ELMOD1: variants seen among roughly 807,000 people sequenced by gnomAD.
ELMOD1 encodes the protein ELMO domain containing 1, also known as ELMO domain-containing protein 1.
Under a neutral mutation model 46.7 loss-of-function variants are expected in ELMOD1, and 21 were observed. That is an observed-to-expected ratio of 0.45 (90% confidence interval 0.32 to 0.65). ELMOD1 has a LOEUF of 0.65. ELMOD1 is among the 30% of genes least tolerant of loss of function. The pLI, the probability that ELMOD1 is intolerant of heterozygous loss-of-function variation, is 0.04. For synonymous variants in ELMOD1, 122 were observed against 138.2 expected (o/e 0.88, Z 0.82); for missense variants, 348 against 407.8 (o/e 0.85, Z 1.26).
At position 107,630,683 on chromosome 11, in the gene ELMOD1, T is replaced by C; in HGVS notation, c.164-17T>C. The C allele has an allele frequency of 6.2e-7, 1 of 1,608,196 alleles. No individual in the cohort carries two copies. Among genetic ancestry groups the C allele is most frequent in the Non-Finnish European group, 8.5e-7 (1 of 1,177,110 alleles). ...AGGATAATCTTTGAATGACTGTTTTTGTTGCTGCTTTCACAGAAACATCAC... is the reference window on the plus strand; with the variant it reads ...AGGATAATCTTTGAATGACTGTTTTCGTTGCTGCTTTCACAGAAACATCAC... On this transcript the variant is annotated splice_polypyrimidine_tract_variant and intron_variant, in intron 3 of 11. Coordinates refer to ENST00000265840, the MANE Select transcript of ELMOD1 (RefSeq NM_018712.4).
intron 5 of ELMOD1, among the ~76,000 whole-genome samples, chr11:107,634,454 A>C (rs1866193243): frequency 6.6e-6 from 1 of 151,910 alleles, no homozygotes; most frequent in African/African-American, 2.4e-5. Flanking sequence ...ACATCTGAAA[A>C]CCGGCTGGGC....
chr11:107,642,475 TCTCTGC>T (rs1380068718), intron 6 of ELMOD1, among the ~76,000 whole-genome samples: 1 of 151,586 alleles, frequency 6.6e-6, no homozygotes, highest in African/African-American at 2.4e-5. Flanking sequence ...TTCAATCAAT[TCTCTGC>T]CTCAGCCTCC....
At chr11:107,645,065 G>A (rs927908399) in intron 6 of ELMOD1, among the ~76,000 whole-genome samples, 1 of 150,208 alleles carries the variant, frequency 6.7e-6, no homozygotes, top group African/African-American at 2.4e-5. Flanking sequence ...TGGGACTACA[G>A]GCGCCCACCA....
intron 5 of ELMOD1, 64 bp downstream of exon 5, chr11:107,631,741 T>C: frequency 1.2e-6 from 1 of 849,834 alleles, no homozygotes; most frequent in Non-Finnish European, 1.8e-6. Context: ...GGTTTAGTGT[T>C]TCTCTGTCTC....
At chr11:107,662,993 T>A (rs529273040) in intron 11 of ELMOD1, among the ~76,000 whole-genome samples, 2 of 136,802 alleles carry the variant, frequency 1.5e-5, no homozygotes, top group East Asian at 4.1e-4. Context: ...CTTTCTAAAG[T>A]GTTGAGATTA....
At chr11:107,644,650 A>G (rs1184665174) in intron 6 of ELMOD1, among the ~76,000 whole-genome samples, 2 of 150,060 alleles carry the variant, frequency 1.3e-5, no homozygotes, top group African/African-American at 4.9e-5. Context: ...TATTTTTTGT[A>G]TTTTTAGTAG....
chr11:107,594,580 C>T (rs1865461373), intron 1 of ELMOD1, among the ~76,000 whole-genome samples: 1 of 152,084 alleles, frequency 6.6e-6, no homozygotes, highest in African/African-American at 2.4e-5. Context: ...TCTTGGTCTC[C>T]TCAGGTAAAA....
chr11:107,649,076 T>C (rs901852644), intron 7 of ELMOD1, among the ~76,000 whole-genome samples: 1 of 152,202 alleles, frequency 6.6e-6, no homozygotes, highest in Non-Finnish European at 1.5e-5. Flanking sequence ...TCACCCATTC[T>C]TTTATGAAAC....
rs138647162 is a variant in ELMOD1, at chr11:107,629,778, G to A, written c.18-639G>A. Among the ~76,000 whole-genome samples, 175 of 152,262 alleles carry A rather than the reference G, an allele frequency of 1.1e-3. 2 individuals are homozygous for A. Among genetic ancestry groups the A allele is most frequent in the Admixed American group, 3.6e-3 (55 of 15,292 alleles). ...ACGTCTAGGAAAATCAAAGGTCAAGGGTGCTTGTTCAGTGAACTGATGAGA... is the reference window on the plus strand; with the variant it reads ...ACGTCTAGGAAAATCAAAGGTCAAGAGTGCTTGTTCAGTGAACTGATGAGA... On this transcript the variant is annotated intron_variant, in intron 2 of 11. Transcript: ENST00000265840.
intron 10 of ELMOD1, 139 bp from the exon 11 acceptor site, chr11:107,655,794 C>T: frequency 1.1e-6 from 1 of 906,528 alleles, no homozygotes; most frequent in Non-Finnish European, 1.6e-6. Flanking sequence ...CCCTTTTAGA[C>T]CATAAAGTGA....
intron 1 of ELMOD1, among the ~76,000 whole-genome samples, chr11:107,604,369 T>G (rs2135656862): frequency 6.6e-6 from 1 of 152,316 alleles, no homozygotes; most frequent in South Asian, 2.1e-4. Flanking sequence ...TTAACCTGGC[T>G]TAACTTGAAT....
intron 2 of ELMOD1, among the ~76,000 whole-genome samples, chr11:107,626,660 C>CCCTCTCTCTTTCTTTCTT (rs1866049147): frequency 1.6e-5 from 2 of 125,316 alleles, no homozygotes; most frequent in Admixed American, 8.0e-5. Flanking sequence ...CTTTCTTTTT[C>CCCTCTCTCTTTCTTTCTT]TTTCTTTCTT....
intron 1 of ELMOD1, among the ~76,000 whole-genome samples, chr11:107,616,441 G>T (rs142875909): frequency 6.6e-6 from 1 of 152,032 alleles, no homozygotes; most frequent in Non-Finnish European, 1.5e-5. Context: ...GTGCAGTGGC[G>T]CATTCTCGGG....
At chr11:107,599,728 C>T (rs111585178) in intron 1 of ELMOD1, among the ~76,000 whole-genome samples, 15,673 of 105,168 alleles carry the variant, frequency 0.15, 1,185 homozygotes, top group African/African-American at 0.27. Flanking sequence ...GGCGACAGAG[C>T]GAGACCTGTC....
chr11:107,625,518 A>G, intron 2 of ELMOD1: 2 of 985,428 alleles, frequency 2.0e-6, no homozygotes, highest in Non-Finnish European at 2.4e-6. Flanking sequence ...ATGATGGCAT[A>G]GTGTTGCATT....
intron 5 of ELMOD1, among the ~76,000 whole-genome samples, chr11:107,633,595 G>T (rs969658659): frequency 2.6e-5 from 4 of 151,946 alleles, no homozygotes; most frequent in Admixed American, 2.6e-4. Flanking sequence ...ACCACATCTG[G>T]CTAATTTTTG....
At chr11:107,591,674 G>A (rs1324056427) in intron 1 of ELMOD1, 3 of 365,180 alleles carry the variant, frequency 8.2e-6, no homozygotes, top group Non-Finnish European at 1.1e-5. Context: ...CGGCGCGAGA[G>A]GCTGTTTGCA....
intron 2 of ELMOD1, among the ~76,000 whole-genome samples, chr11:107,628,901 C>G (rs1296080635): frequency 1.3e-5 from 2 of 152,010 alleles, no homozygotes; most frequent in African/African-American, 4.8e-5. Context: ...TTATACATTA[C>G]TATTAAAATT....
intron 7 of ELMOD1, among the ~76,000 whole-genome samples, chr11:107,650,081 C>T (rs2135708944): frequency 6.6e-6 from 1 of 152,268 alleles, no homozygotes; most frequent in East Asian, 1.9e-4. Flanking sequence ...AATGGCAAAG[C>T]TCTTAATTAA....
Sources: allele counts gnomAD v4.1 joint callset (sites outside exome capture counted in the v4.1 genomes callset), GRCh38; gene constraint gnomAD v4.1.1; transcripts MANE v1.5; gene names NCBI Gene and HGNC (gene_info 2026-07-23, HGNC 2026-07-21).